The following STAT2 variants were observed in gnomAD, a reference collection of about 807,000 sequenced individuals.
The protein encoded by STAT2 is interferon alpha induced transcriptional activator.
In STAT2, 51 loss-of-function variants were observed where a neutral mutation model predicts 122.3. That is an observed-to-expected ratio of 0.42 (90% CI 0.33 to 0.53). STAT2 has a LOEUF of 0.53. Ranked by LOEUF, STAT2 falls within the 20% of genes least tolerant of loss-of-function variation. The probability of loss-of-function intolerance (pLI) is 0.10; values close to 1 mark genes in which losing one functional copy is unlikely to be tolerated. For synonymous variants in STAT2, 351 were observed against 394.9 expected (o/e 0.89, Z 1.32); for missense variants, 736 against 1,010.3 (o/e 0.73, Z 3.68).
intron 20 of STAT2, 61 bp from the exon 21 acceptor site, chr12:56,346,685 T>C: frequency 6.2e-7 from 1 of 1,604,606 alleles, no homozygotes; most frequent in Non-Finnish European, 8.5e-7. Flanking sequence ...TGGAGCTCTC[T>C]GCTCTGGCTG....
chr12:56,355,189 G>A, intron 6 of STAT2, 87 bp downstream of exon 6: 1 of 1,477,598 alleles, frequency 6.8e-7, no homozygotes, highest in Non-Finnish European at 9.4e-7. Context: ...AGTGACTACT[G>A]CTCATCGGAG....
Position 56,351,298 on chromosome 12 carries a change from A to G in STAT2, c.935T>C (p.Leu312Pro). Residue 312 changes from leucine to proline, a missense_variant, in exon 9 of 24, where the codon CTC becomes CCC. Leu to Pro is a moderately conservative substitution (Grantham distance 98). Coordinates refer to ENST00000314128, the MANE Select transcript of STAT2 (RefSeq NM_005419.4). ...AQVTELLQRL[L>P]HRAFVVETQP... ...TCCTGCCTGGCCTCTAGACCTGTGG[A>G]GCAGACGCTGTAGCAACTCTGTGAC... 1 of 1,613,940 alleles carries G rather than the reference A, an allele frequency of 6.2e-7. No individual in the cohort carries two copies. Among genetic ancestry groups the G allele is most frequent in the Non-Finnish European group, 8.5e-7 (1 of 1,179,926 alleles).
intron 19 of STAT2, among the ~76,000 whole-genome samples, chr12:56,347,156 C>T (rs377113245): frequency 5.3e-5 from 8 of 151,920 alleles, no homozygotes; most frequent in Middle Eastern, 3.2e-3. Context: ...GTTTGAAGTA[C>T]GAAGATTCAG....
At chr12:56,358,594 C>T (rs545786922) in intron 1 of STAT2, among the ~76,000 whole-genome samples, 4 of 152,240 alleles carry the variant, frequency 2.6e-5, no homozygotes, top group African/African-American at 7.2e-5. Context: ...CAGGTAAGTA[C>T]ACCATATAAA....
chr12:56,351,719 A>T (rs1234136198), intron 8 of STAT2, among the ~76,000 whole-genome samples: 1 of 152,208 alleles, frequency 6.6e-6, no homozygotes, highest in Non-Finnish European at 1.5e-5. Context: ...CCCTTTCCAC[A>T]TATTAATGCA....
intron 23 of STAT2, 74 bp downstream of exon 23, chr12:56,343,751 T>TCCAAG (rs1876922163): frequency 1.3e-6 from 2 of 1,578,452 alleles, no homozygotes; most frequent in East Asian, 4.5e-5. Context: ...TTCAGCTTTT[T>TCCAAG]CTGTAATGGG....
In STAT2 at chr12:56,354,771, C is replaced by T. The variant is rs746536362; in HGVS notation, c.633+7G>A. 23 of 1,614,228 alleles carry T rather than the reference C, an allele frequency of 1.4e-5. No individual in the cohort carries two copies. The highest frequency in any genetic ancestry group is 1.8e-5 in the Non-Finnish European group (21 of 1,180,030). ...GTTGCCCACATGTTCTGTCCTCTGT[C>T]TCCCACCTTTCTCCTTTTGTCCAGT... On this transcript the variant is annotated splice_region_variant and intron_variant, in intron 7 of 23. Transcript: ENST00000314128.
At chr12:56,350,024 G>C (rs752884791) in intron 13 of STAT2, 73 bp downstream of exon 13, 32 of 1,370,442 alleles carry the variant, frequency 2.3e-5, no homozygotes, top group Non-Finnish European at 3.2e-5. Context: ...ACTCCAGCCT[G>C]GGGGACAGAG....
chr12:56,346,125 A>C (rs374746415), intron 22 of STAT2, 21 bp downstream of exon 22: 2 of 1,614,034 alleles, frequency 1.2e-6, no homozygotes, highest in African/African-American at 2.7e-5. Context: ...AGGGAGGATG[A>C]ATGAAGAGTT....
chr12:56,359,965 G>C (rs893530766), intron 1 of STAT2, 93 bp downstream of exon 1: 1 of 868,552 alleles, frequency 1.2e-6, no homozygotes, highest in African/African-American at 1.8e-5. Context: ...ACCCTCTCCA[G>C]GGGGTAACCC....
At chr12:56,356,391 A>C in intron 2 of STAT2, 50 bp downstream of exon 2, 2 of 1,609,428 alleles carry the variant, frequency 1.2e-6, no homozygotes, top group Non-Finnish European at 1.7e-6. Flanking sequence ...CCGGGGGCCC[A>C]GAAGTAAGGA....
intron 8 of STAT2, among the ~76,000 whole-genome samples, chr12:56,351,982 T>A (rs1304862252): frequency 6.6e-6 from 1 of 152,048 alleles, no homozygotes; most frequent in African/African-American, 2.4e-5. Flanking sequence ...AACCTCCACC[T>A]CCTGGATTCA....
Position 56,349,279 on chromosome 12 carries a change from G to C in STAT2, c.1342-18C>G, listed in dbSNP as rs1175918946. The C allele has an allele frequency of 6.2e-7, 1 of 1,614,056 alleles. No homozygotes were observed. The highest frequency in any genetic ancestry group is 1.3e-5 in the African/African-American group (1 of 74,926). ...GTGTCCGTCTGGGGAGAAGACAGGA[G>C]TCACAGAGAGGGATGTGATGTTTCT... On this transcript the variant is annotated intron_variant, in intron 15 of 23. Transcript: ENST00000314128.
chr12:56,350,548 T>G, intron 11 of STAT2, 116 bp from the exon 12 acceptor site: 6 of 952,656 alleles, frequency 6.3e-6, no homozygotes, highest in Non-Finnish European at 9.3e-6. Flanking sequence ...ACTAGCTATG[T>G]GGCCTTGAGA....
Position 56,351,163 on chromosome 12 carries a change from G to A in STAT2, c.969C>T (p.Cys323=). ...GGGGTCGATGGGGAGTTTGGGGCAT[G>A]CAGGGCTGGGTTTCTACCACAAAGG... ...HRAFVVETQP[C]MPQTPHRPLI... The change falls in exon 10 of 24, where the codon TGC becomes TGT. Residue 323 remains cysteine, a synonymous_variant. Coordinates refer to ENST00000314128, the MANE Select transcript of STAT2 (RefSeq NM_005419.4). 1.2e-6 allele frequency: 2 copies of A among 1,614,112 alleles called. No individual in the cohort carries two copies. Among genetic ancestry groups the A allele is most frequent in the Non-Finnish European group, 1.7e-6 (2 of 1,179,988 alleles).
In STAT2 at chr12:56,349,148, G is replaced by A. The variant is rs746915744; in HGVS notation, c.1440+15C>T. The A allele has an allele frequency of 3.9e-5, 63 of 1,613,954 alleles. No homozygotes were observed. Among genetic ancestry groups the A allele is most frequent in the Non-Finnish European group, 5.2e-5 (61 of 1,180,014 alleles). On this transcript the variant is annotated intron_variant, in intron 16 of 23. Transcript: ENST00000314128. ...CCTCCTCTCGCGCCTTGACCTGTCGGCCCCACTCCCCTACCTGAAGGTTTG... is the reference window on the plus strand; with the variant it reads ...CCTCCTCTCGCGCCTTGACCTGTCGACCCCACTCCCCTACCTGAAGGTTTG...
In STAT2 at chr12:56,346,630, G is replaced by A. The variant is rs1877503185; in HGVS notation, c.1862-6C>T. 7 of 1,613,892 alleles carry A rather than the reference G, an allele frequency of 4.3e-6. No individual in the cohort carries two copies. Among genetic ancestry groups the A allele is most frequent in the Non-Finnish European group, 5.9e-6 (7 of 1,179,874 alleles). On this transcript the variant is annotated splice_region_variant and splice_polypyrimidine_tract_variant and intron_variant, in intron 20 of 23. Coordinates refer to ENST00000314128, the MANE Select transcript of STAT2 (RefSeq NM_005419.4). ...AGAGTAGATGAGCACCTTGTCTGGA[G>A]AGTGAATGCAGGAACAGGCGGGCTT... is the stretch of plus-strand genomic sequence containing the variant.
intron 1 of STAT2, 137 bp from the exon 2 acceptor site, chr12:56,356,715 T>C (rs2136092670): frequency 1.6e-6 from 2 of 1,273,600 alleles, no homozygotes; most frequent in East Asian, 2.6e-5. Flanking sequence ...CATTAAAATA[T>C]ATGTTGATCC....
intron 3 of STAT2, 42 bp from the exon 4 acceptor site, chr12:56,355,845 T>A (rs757681163): frequency 1.3e-6 from 2 of 1,580,198 alleles, no homozygotes; most frequent in African/African-American, 1.3e-5. Context: ...ATTCAACCAC[T>A]CTCAATGACC....
Sources: allele counts gnomAD v4.1 joint callset (sites outside exome capture counted in the v4.1 genomes callset), GRCh38; gene constraint gnomAD v4.1.1; transcripts MANE v1.5; gene names NCBI Gene and HGNC (gene_info 2026-07-23, HGNC 2026-07-21).